GRID1: variants seen among roughly 807,000 people sequenced by gnomAD.
The protein encoded by GRID1 is glutamate ionotropic receptor delta type subunit 1.
A neutral mutation model predicts 98.0 loss-of-function variants in GRID1; 28 were observed. The observed-to-expected ratio is 0.29, with a 90% confidence interval of 0.21 to 0.39. GRID1 has a LOEUF of 0.39. GRID1 is among the 10% of genes least tolerant of loss of function. The pLI is 1.00. For synonymous variants in GRID1, 553 were observed against 538.5 expected, an observed-to-expected ratio of 1.03 and a Z score of -0.37; for missense variants, 1,111 against 1,340.5, an observed-to-expected ratio of 0.83 and a Z score of 2.67.
intron 2 of GRID1, among the ~76,000 whole-genome samples, chr10:86,266,643 C>T (rs549976837): frequency 6.6e-6 from 1 of 152,350 alleles, no homozygotes; most frequent in East Asian, 1.9e-4. Context: ...TTCTCCAGAA[C>T]CTACTCTGTG....
intron 2 of GRID1, among the ~76,000 whole-genome samples, chr10:86,333,860 T>A (rs895392435): frequency 6.6e-6 from 1 of 152,196 alleles, no homozygotes; most frequent in African/African-American, 2.4e-5. Flanking sequence ...GGGCTGGTTA[T>A]GCTATCTCAG....
intron 12 of GRID1, among the ~76,000 whole-genome samples, chr10:85,711,074 C>CA (rs1183151250): frequency 2.6e-5 from 4 of 151,898 alleles, no homozygotes; most frequent in African/African-American, 9.6e-5. Flanking sequence ...GGTTATTCTT[C>CA]AAAAAAATTA....
In GRID1 at chr10:85,869,062, C is replaced by A. The variant is rs748228467; in HGVS notation, c.899G>T (p.Arg300Leu). 7 of 1,613,834 alleles carry A rather than the reference C, an allele frequency of 4.3e-6. No homozygotes were observed. The highest frequency in any genetic ancestry group is 5.1e-6 in the Non-Finnish European group (6 of 1,179,904). ...DNQKCTRNNH[R>L]ISSLLCDPQE... ...GGGGTCGCAGAGCAGGGAGGAGATG[C>A]GGTGGTTGTTCCTCGTGCATTTCTG... The change falls in exon 6 of 16, where the codon CGC (arginine) becomes CTC (leucine). Residue 300 changes from arginine to leucine, a missense_variant. Coordinates refer to ENST00000327946, the MANE Select transcript of GRID1 (RefSeq NM_017551.3).
At chr10:85,945,792 T>G (rs1264458232) in intron 4 of GRID1, among the ~76,000 whole-genome samples, 1 of 152,216 alleles carries the variant, frequency 6.6e-6, no homozygotes, top group Non-Finnish European at 1.5e-5. Context: ...ATTAGAAAAT[T>G]CTGTTTCCAA....
At chr10:85,968,592 T>G (rs1842369146) in intron 4 of GRID1, among the ~76,000 whole-genome samples, 1 of 152,052 alleles carries the variant, frequency 6.6e-6, no homozygotes, top group African/African-American at 2.4e-5. Flanking sequence ...TAAAGCAAAG[T>G]TTTTGCATAA....
chr10:86,167,052 A>T (rs1845409002), intron 3 of GRID1, among the ~76,000 whole-genome samples: 1 of 152,246 alleles, frequency 6.6e-6, no homozygotes, highest in Non-Finnish European at 1.5e-5. Context: ...GACCCAGCCA[A>T]CAAGGGTAGA....
At chr10:85,999,211 CA>C (rs60210628) in intron 4 of GRID1, among the ~76,000 whole-genome samples, 77,106 of 129,838 alleles carry the variant, frequency 0.59, 21,481 homozygotes, top group South Asian at 0.73. Flanking sequence ...GACTCTATTT[CA>C]AAAAAAAAAA....
chr10:86,075,409 G>A (rs1843866782), intron 4 of GRID1, among the ~76,000 whole-genome samples: 1 of 150,832 alleles, frequency 6.6e-6, no homozygotes, highest in South Asian at 2.1e-4. Flanking sequence ...ACAAGCCAAG[G>A]AAGGCCAAAG....
intron 12 of GRID1, among the ~76,000 whole-genome samples, chr10:85,701,479 G>A (rs1841450876): frequency 6.6e-6 from 1 of 152,098 alleles, no homozygotes; most frequent in African/African-American, 2.4e-5. Flanking sequence ...TGTCACTGGG[G>A]CAAAAAACTC....
intron 12 of GRID1, among the ~76,000 whole-genome samples, chr10:85,721,991 G>A (rs1269388463): frequency 2.0e-5 from 3 of 152,154 alleles, no homozygotes; most frequent in African/African-American, 7.2e-5. Flanking sequence ...AGGATCCCAG[G>A]AGACCTCTCT....
intron 2 of GRID1, among the ~76,000 whole-genome samples, chr10:86,211,204 T>C (rs1304656562): frequency 1.3e-5 from 2 of 152,230 alleles, no homozygotes; most frequent in African/African-American, 4.8e-5. Context: ...CATCGCTACC[T>C]AGGATGATGC....
At position 85,764,287 on chromosome 10, in the gene GRID1, C is replaced by T. The variant is rs774027684; in HGVS notation, c.1234-34673G>A. On this transcript the variant is annotated intron_variant, in intron 8 of 15. Transcript: ENST00000327946. Reference sequence around the variant, plus strand: ...TGGTTCTCAAAGGGCAGCACAGAATCCCCCCGAGGAGTGGAATTTTAAGTA... The same window carrying T: ...TGGTTCTCAAAGGGCAGCACAGAATTCCCCCGAGGAGTGGAATTTTAAGTA... Among the ~76,000 whole-genome samples, 141 of 152,162 alleles carry T rather than the reference C, an allele frequency of 9.3e-4. 1 individual carries two copies. The highest frequency in any genetic ancestry group is 1.6e-3 in the Non-Finnish European group (110 of 68,028).
At position 85,922,553 on chromosome 10, in the gene GRID1, T is replaced by A. The variant is rs150886255; in HGVS notation, c.727-6314A>T. Among the ~76,000 whole-genome samples, 31 of 152,312 alleles carry A rather than the reference T, an allele frequency of 2.0e-4. 1 individual carries two copies. The East Asian group carries it at 3.9e-3, about 19-fold the overall frequency. On this transcript the variant is annotated intron_variant, in intron 4 of 15. Transcript: ENST00000327946. ...ACCCCAACTCTAACATTTGGGAACATTCCCCCCGTGAAGCCCAGGGCCTGG... is the reference window on the plus strand; with the variant it reads ...ACCCCAACTCTAACATTTGGGAACAATCCCCCCGTGAAGCCCAGGGCCTGG...
At chr10:86,231,455 AC>A (rs1199800733) in intron 2 of GRID1, among the ~76,000 whole-genome samples, 2 of 151,768 alleles carry the variant, frequency 1.3e-5, no homozygotes, top group East Asian at 1.9e-4. Flanking sequence ...CCTATTCCAG[AC>A]CCCCTAAGTG....
chr10:85,752,121 C>T (rs1842051840), intron 8 of GRID1, among the ~76,000 whole-genome samples: 1 of 152,174 alleles, frequency 6.6e-6, no homozygotes, highest in African/African-American at 2.4e-5. Flanking sequence ...TCTTTATGAG[C>T]CTTGTAATTG....
At chr10:85,680,307 C>T (rs1396331103) in intron 12 of GRID1, among the ~76,000 whole-genome samples, 1 of 152,166 alleles carries the variant, frequency 6.6e-6, no homozygotes, top group Admixed American at 6.5e-5. Context: ...CCAGCTGCCC[C>T]TGGCGACTAC....
At chr10:86,340,802 G>A (rs1848299554) in intron 2 of GRID1, among the ~76,000 whole-genome samples, 1 of 152,188 alleles carries the variant, frequency 6.6e-6, no homozygotes, top group African/African-American at 2.4e-5. Context: ...ACTGGATGAG[G>A]ACTGGAGCGG....
intron 8 of GRID1, among the ~76,000 whole-genome samples, chr10:85,738,529 A>G (rs1441422544): frequency 6.6e-6 from 1 of 152,264 alleles, no homozygotes; most frequent in Non-Finnish European, 1.5e-5. Flanking sequence ...CCGTGTCCAT[A>G]CAAAGGTCCA....
chr10:85,838,996 T>C (rs1842937221), intron 8 of GRID1, among the ~76,000 whole-genome samples: 1 of 152,204 alleles, frequency 6.6e-6, no homozygotes, highest in South Asian at 2.1e-4. Context: ...GTTGTAATCC[T>C]TGTCTCTGAC....
Sources: allele counts gnomAD v4.1 joint callset (sites outside exome capture counted in the v4.1 genomes callset), GRCh38; gene constraint gnomAD v4.1.1; transcripts MANE v1.5; gene names NCBI Gene and HGNC (gene_info 2026-07-23, HGNC 2026-07-21).